The following BRDT variants were observed in gnomAD, a reference collection of about 807,000 sequenced individuals.
BRDT encodes the protein bromodomain testis-specific protein.
In BRDT, 77 loss-of-function variants were observed where a neutral mutation model predicts 113.9. The observed-to-expected ratio is 0.68, with a 90% CI of 0.56 to 0.82. The LOEUF is 0.82. BRDT is among the 40% of genes least tolerant of loss of function. BRDT has a pLI of 0.00. For synonymous variants in BRDT, 358 were observed against 366.5 expected (o/e 0.98, Z 0.26); for missense variants, 1,027 against 1,105.4 (o/e 0.93, Z 1.01).
chr1:91,968,349 G>A, intron 4 of BRDT, 89 bp downstream of exon 4: 1 of 1,496,312 alleles, frequency 6.7e-7, no homozygotes. Context: ...AAAGGAGACA[G>A]ACATCCAGAA....
chr1:91,991,151 A>G, intron 12 of BRDT, 33 bp from the exon 13 acceptor site: 2 of 1,319,474 alleles, frequency 1.5e-6, no homozygotes, highest in Non-Finnish European at 2.1e-6. Context: ...TAAGCTAATA[A>G]ATATTAAAAT....
chr1:91,974,013 C>G (rs1342047293), intron 4 of BRDT, among the ~76,000 whole-genome samples: 1 of 152,130 alleles, frequency 6.6e-6, no homozygotes, highest in African/African-American at 2.4e-5. Context: ...TTTGACAAAC[C>G]TGACAAAAAC....
intron 18 of BRDT, among the ~76,000 whole-genome samples, chr1:92,011,943 G>T (rs1687832395): frequency 1.3e-5 from 2 of 152,170 alleles, no homozygotes; most frequent in Non-Finnish European, 2.9e-5. Context: ...AACAGTTGAA[G>T]AGTGTATTTA....
chr1:92,006,123 T>C (rs971161707), intron 18 of BRDT, among the ~76,000 whole-genome samples: 2 of 152,246 alleles, frequency 1.3e-5, no homozygotes, highest in East Asian at 3.8e-4. Context: ...TTGAAATTTA[T>C]TGAGACTTAT....
chr1:91,981,670 G>GAGCAGCAGCAGC lies in BRDT; in HGVS notation c.1927_1938dup (p.Ser645_Ser648dup). On this transcript the variant is annotated inframe_insertion, in exon 12 of 19. Transcript: ENST00000399546. ...TTGAAAATGTTTCCCGACTGAGTGAGAGCAGCAGCAGCAGCAGCAGCTCAT... is the reference window on the plus strand; with the variant it reads ...TTGAAAATGTTTCCCGACTGAGTGAGAGCAGCAGCAGCAGCAGCAGCAGCAGCAGCAGCTCAT... The GAGCAGCAGCAGC allele has an allele frequency of 6.2e-7, 1 of 1,613,650 alleles. No homozygotes were observed. Among genetic ancestry groups the GAGCAGCAGCAGC allele is most frequent in the Middle Eastern group, 1.7e-4 (1 of 6,060 alleles).
intron 1 of BRDT, 88 bp from the exon 2 acceptor site, chr1:91,962,630 G>A (rs370931174): frequency 1.8e-5 from 14 of 767,520 alleles, no homozygotes; most frequent in African/African-American, 5.4e-5. Context: ...CACTGTGCCC[G>A]GCTTCTGTTA....
intron 3 of BRDT, among the ~76,000 whole-genome samples, chr1:91,966,173 A>G (rs1360130924): frequency 2.6e-5 from 4 of 152,118 alleles, no homozygotes; most frequent in African/African-American, 9.7e-5. Context: ...TCCATATAGT[A>G]TTCCCATTTC....
chr1:91,954,275 T>A (rs1681478687), intron 1 of BRDT, among the ~76,000 whole-genome samples: 1 of 74,310 alleles, frequency 1.3e-5, no homozygotes, highest in Non-Finnish European at 3.3e-5. Context: ...CTCGGCATTT[T>A]TTTTTTTTTT....
At chr1:91,988,291 C>A (rs965599209) in intron 12 of BRDT, among the ~76,000 whole-genome samples, 1 of 152,144 alleles carries the variant, frequency 6.6e-6, no homozygotes, top group Non-Finnish European at 1.5e-5. Context: ...CATATATTAT[C>A]CACTTTGATC....
At chr1:91,953,727 C>T (rs924026759) in intron 1 of BRDT, among the ~76,000 whole-genome samples, 2 of 152,076 alleles carry the variant, frequency 1.3e-5, no homozygotes, top group Non-Finnish European at 1.5e-5. Context: ...GGGCAAGAGA[C>T]GTGGTTTTCA....
Position 92,006,851 on chromosome 1 carries a change from A to G in BRDT, c.2775+1552A>G, listed in dbSNP as rs1687361033. On this transcript the variant is annotated intron_variant, in intron 18 of 18. Transcript: ENST00000399546. ...CGCCCAGGCTGGAGTGCAGTAGTGC[A>G]ATCTTGGCTCACTGCGACCTCTGCC... Among the ~76,000 whole-genome samples, 5 of 147,004 alleles carry G rather than the reference A, an allele frequency of 3.4e-5. No individual in the cohort carries two copies. In the Admixed American group the frequency reaches 3.4e-4, roughly 10 times the overall value.
chr1:91,957,555 A>T (rs1557799561), intron 1 of BRDT: 1 of 152,200 alleles, frequency 6.6e-6, no homozygotes, highest in Non-Finnish European at 1.5e-5. Flanking sequence ...AGCAGTAAAT[A>T]GTGTTCCCAT....
intron 18 of BRDT, 21 bp downstream of exon 18, chr1:92,005,320 T>G (rs1301440335): frequency 6.7e-7 from 1 of 1,497,188 alleles, no homozygotes; most frequent in Admixed American, 2.5e-5. Flanking sequence ...TTTAGTTTAC[T>G]AAATCTAATT....
chr1:91,972,588 C>T (rs1165345998), intron 4 of BRDT, among the ~76,000 whole-genome samples: 2 of 152,206 alleles, frequency 1.3e-5, no homozygotes, highest in East Asian at 3.8e-4. Flanking sequence ...GTGTTTCTCT[C>T]ATGTAACAAG....
At chr1:91,972,816 T>C (rs910032158) in intron 4 of BRDT, among the ~76,000 whole-genome samples, 1 of 152,076 alleles carries the variant, frequency 6.6e-6, no homozygotes, top group Non-Finnish European at 1.5e-5. Flanking sequence ...TTTTAGAGAG[T>C]AGTGACAACT....
rs1686911866 is a variant in BRDT at position 92,002,122 on chromosome 1, A to C, written c.2361A>C (p.Glu787Asp). 1.9e-6 allele frequency: 3 copies of C among 1,613,738 alleles called. No homozygotes were observed. The highest frequency in any genetic ancestry group is 1.7e-6 in the Non-Finnish European group (2 of 1,179,672). ...GTGATAGTGACACAACGATGTTAGA[A>C]TCTGAATGTCAAGCTCCTGTACAGA... is the stretch of plus-strand genomic sequence containing the variant. ...PSGDSDTTML[E>D]SECQAPVQKD... The change falls in exon 16 of 19, where the codon GAA becomes GAC. Residue 787 changes from glutamate to aspartate, a missense_variant. Transcript: ENST00000399546.
At position 91,989,566 on chromosome 1, in the gene BRDT, G is replaced by A. The variant is rs189470175; in HGVS notation, c.2003-1618G>A. Among the ~76,000 whole-genome samples the A allele has an allele frequency of 9.2e-5, 14 of 151,928 alleles. No homozygotes were observed. In the East Asian group the frequency reaches 2.3e-3, roughly 25 times the overall value. ...ACTAGAGATGGGGTTTCAACTTGTT[G>A]GCCAGGCTGGTCTTGAACTCCTGAC... is the stretch of plus-strand genomic sequence containing the variant. On this transcript the variant is annotated intron_variant, in intron 12 of 18. Coordinates refer to ENST00000399546, the MANE Select transcript of BRDT (RefSeq NM_207189.4).
chr1:91,977,386 C>G lies in BRDT; in HGVS notation c.962C>G (p.Thr321Ser). ...GTCAAAAATCCGATGGATCTTGGAA[C>G]TATTAAGGTAAATGTTGCCTTAAAA... The part of the protein sequence containing the change: ...DVVKNPMDLG[T>S]IKEKMDNQEY... The change falls in exon 6 of 19, where the codon ACT becomes AGT. Residue 321 changes from threonine (T) to serine (S), a missense_variant. Physicochemically the swap from Thr to Ser is moderately conservative, Grantham distance 58. Coordinates refer to ENST00000399546, the MANE Select transcript of BRDT (RefSeq NM_207189.4). The G allele has an allele frequency of 6.4e-7, 1 of 1,562,240 alleles. No individual in the cohort carries two copies. The highest frequency in any genetic ancestry group is 8.7e-7 in the Non-Finnish European group (1 of 1,155,550).
In BRDT at chr1:91,966,406, A is replaced by AT. The variant is rs542939136; in HGVS notation, c.330+1649dup. Reference sequence around the variant, plus strand: ...TTAAAACTATTAGCCAATGCGAATGATTTTTTTGTCTGAGACGGACTCACT... The same window carrying AT: ...TTAAAACTATTAGCCAATGCGAATGATTTTTTTTGTCTGAGACGGACTCACT... On this transcript the variant is annotated intron_variant, in intron 3 of 18. Coordinates refer to ENST00000399546, the MANE Select transcript of BRDT (RefSeq NM_207189.4). 7.2e-5 allele frequency among the ~76,000 whole-genome samples: 11 copies of AT among 152,234 alleles called. No homozygotes were observed. The South Asian group carries it at 8.3e-4, about 12-fold the overall frequency.
Sources: allele counts gnomAD v4.1 joint callset (sites outside exome capture counted in the v4.1 genomes callset), GRCh38; gene constraint gnomAD v4.1.1; transcripts MANE v1.5; gene names NCBI Gene and HGNC (gene_info 2026-07-23, HGNC 2026-07-21).